MYRFL: variants seen among roughly 807,000 people sequenced by gnomAD.
MYRFL encodes myelin regulatory factor-like protein.
In MYRFL, 88 loss-of-function variants were observed where a neutral mutation model predicts 109.4. The ratio of observed to expected loss-of-function variants is 0.80; its 90% confidence interval spans 0.68 to 0.96. The LOEUF is 0.96. Among genes scored for constraint, MYRFL ranks in the 40% least tolerant of loss-of-function variants. MYRFL has a pLI of 0.00. For synonymous variants in MYRFL, 324 were observed against 320.9 expected, an observed-to-expected ratio of 1.01 and a Z score of -0.10; for missense variants, 957 against 954.9, an observed-to-expected ratio of 1.00 and a Z score of -0.03.
intron 5 of MYRFL, among the ~76,000 whole-genome samples, chr12:69,882,399 T>G (rs1331600433): frequency 6.6e-6 from 1 of 152,244 alleles, no homozygotes; most frequent in Non-Finnish European, 1.5e-5. Flanking sequence ...AGCGAAAGTT[T>G]TCTAGTCAAT....
intron 2 of MYRFL, among the ~76,000 whole-genome samples, chr12:69,871,871 TAATC>T (rs1429386459): frequency 6.6e-6 from 1 of 152,210 alleles, no homozygotes; most frequent in Admixed American, 6.5e-5. Flanking sequence ...ATGTTAAAAA[TAATC>T]AATTCTTTTC....
intron 2 of MYRFL, among the ~76,000 whole-genome samples, chr12:69,858,945 G>GT (rs1297574230): frequency 1.3e-5 from 2 of 151,762 alleles, no homozygotes; most frequent in Non-Finnish European, 2.9e-5. Context: ...GTGATTTGAG[G>GT]TTAAACTTTG....
At chr12:69,934,205 A>G (rs1955373594) in intron 16 of MYRFL, among the ~76,000 whole-genome samples, 1 of 152,202 alleles carries the variant, frequency 6.6e-6, no homozygotes, top group African/African-American at 2.4e-5. Flanking sequence ...GTGGTGCCCC[A>G]TCTACTTGGC....
At chr12:69,883,706 TAAA>T (rs59904690) in intron 5 of MYRFL, among the ~76,000 whole-genome samples, 21 of 125,438 alleles carry the variant, frequency 1.7e-4, no homozygotes, top group Non-Finnish European at 2.1e-4. Context: ...CTACAAAAAG[TAAA>T]AAAAAAAAAA....
At chr12:69,950,314 G>C (rs1285868720) in intron 19 of MYRFL, among the ~76,000 whole-genome samples, 1 of 152,000 alleles carries the variant, frequency 6.6e-6, no homozygotes, top group African/African-American at 2.4e-5. Context: ...AAGTAGGCAG[G>C]GTTGAAAAAT....
At chr12:69,836,543 C>G (rs1322180267) in intron 1 of MYRFL, among the ~76,000 whole-genome samples, 3 of 152,120 alleles carry the variant, frequency 2.0e-5, no homozygotes, top group African/African-American at 7.2e-5. Context: ...TTCCTTGGAA[C>G]GATTTTTCTG....
At chr12:69,856,810 G>A (rs1460098089) in intron 2 of MYRFL, among the ~76,000 whole-genome samples, 1 of 151,814 alleles carries the variant, frequency 6.6e-6, no homozygotes, top group African/African-American at 2.4e-5. Flanking sequence ...TGTTAGATAT[G>A]TTATTCATGA....
chr12:69,891,033 CT>C lies in MYRFL; in HGVS notation c.774del (p.Phe258LeufsTer11), dbSNP rs1176048401. 45 of 1,534,822 alleles carry C rather than the reference CT, an allele frequency of 2.9e-5. No individual in the cohort carries two copies. Among genetic ancestry groups the C allele is most frequent in the Non-Finnish European group, 3.8e-5 (43 of 1,146,394 alleles). On this transcript the variant is annotated frameshift_variant, in exon 7 of 25. Transcript: ENST00000552032. LOFTEE classifies it high-confidence loss of function. Reference sequence around the variant, plus strand: ...TTTAATTTTTCACCAGCAGATGAAGCTTTTGTTTGCCAAAAGAAGAATCATT... The same window carrying C: ...TTTAATTTTTCACCAGCAGATGAAGCTTTGTTTGCCAAAAGAAGAATCATT... The part of the protein sequence containing the change: ...KGFNFSPADE[A>X]FVCQKKNHFQ...
chr12:69,880,951 G>GGTTTTTTTTTTTTTTTTTT lies in MYRFL; in HGVS notation c.556+659_556+660insGTTTTTTTTTTTTTTTTTT, dbSNP rs1555246956. On this transcript the variant is annotated intron_variant, in intron 5 of 24. Transcript: ENST00000552032. ...TAATGTCCAAGCGGTCAGCCTTCCTGTTTTTTTTTTTTTTTTTTGTCTTAT... is the reference window on the plus strand; with the variant it reads ...TAATGTCCAAGCGGTCAGCCTTCCTGGTTTTTTTTTTTTTTTTTTTTTTTTTTTTTTTTTTTTGTCTTAT... Among the ~76,000 whole-genome samples, 6 of 112,626 alleles carry GGTTTTTTTTTTTTTTTTTT rather than the reference G, an allele frequency of 5.3e-5. 1 individual carries two copies. The highest frequency in any genetic ancestry group is 1.0e-4 in the Admixed American group (1 of 9,772). 73.9% of individuals were successfully genotyped at this position (112,626 alleles called of 152,430 possible).
rs1565991289 is a variant in MYRFL at position 69,879,380 on chromosome 12, CT to C, written c.392del (p.Leu131ArgfsTer11). 1 of 702,952 alleles carries C rather than the reference CT, an allele frequency of 1.4e-6. No individual in the cohort carries two copies. Among genetic ancestry groups the C allele is most frequent in the Admixed American group, 2.0e-5 (1 of 50,014 alleles). 43.5% of individuals were successfully genotyped at this position (702,952 alleles called of 1,614,324 possible). The stretch of plus-strand genomic sequence containing the variant: ...AAACGCCAGTCATCTTGCCACCCCC[CT>C]GGACCAATCCGTGTCCTCCCATCTG... ...HSNASHLATPLDQSVSSHLGI... is the reference protein window; with the variant it reads ...HSNASHLATPXDQSVSSHLGI... On this transcript the variant is annotated frameshift_variant, in exon 4 of 25. Coordinates refer to ENST00000552032, the MANE Select transcript of MYRFL (RefSeq NM_182530.3). LOFTEE classifies it high-confidence loss of function.
At chr12:69,930,101 TC>T (rs1955223068) in intron 15 of MYRFL, among the ~76,000 whole-genome samples, 1 of 152,206 alleles carries the variant, frequency 6.6e-6, no homozygotes, top group South Asian at 2.1e-4. Flanking sequence ...GACTTTTCCT[TC>T]CATGCCACGA....
chr12:69,892,111 T>G (rs184439259), intron 7 of MYRFL, among the ~76,000 whole-genome samples: 1 of 152,318 alleles, frequency 6.6e-6, no homozygotes, highest in East Asian at 1.9e-4. Context: ...TTATTGATGT[T>G]GATGCATTTT....
intron 6 of MYRFL, among the ~76,000 whole-genome samples, chr12:69,888,987 A>G (rs1886625050): frequency 6.6e-6 from 1 of 152,208 alleles, no homozygotes; most frequent in Non-Finnish European, 1.5e-5. Flanking sequence ...TCTTAAGGGT[A>G]GTCAATGACT....
At chr12:69,936,672 T>C in intron 19 of MYRFL, 40 bp downstream of exon 19, 2 of 1,433,242 alleles carry the variant, frequency 1.4e-6, no homozygotes, top group East Asian at 2.6e-5. Flanking sequence ...AGCTTTGAAC[T>C]TGAGGTTGTT....
At chr12:69,832,399 T>C (rs1882682999) in intron 1 of MYRFL, among the ~76,000 whole-genome samples, 1 of 152,196 alleles carries the variant, frequency 6.6e-6, no homozygotes, top group Non-Finnish European at 1.5e-5. Flanking sequence ...CCTTGCCTTA[T>C]AGTGGCTTCT....
At chr12:69,952,264 A>G in intron 20 of MYRFL, 89 bp downstream of exon 20, 1 of 1,215,428 alleles carries the variant, frequency 8.2e-7, no homozygotes, top group Non-Finnish European at 1.2e-6. Flanking sequence ...AGTGAGGAGC[A>G]GGGACAAAGG....
chr12:69,954,896 C>A (rs767647183), intron 21 of MYRFL, among the ~76,000 whole-genome samples: 6 of 152,138 alleles, frequency 3.9e-5, no homozygotes, highest in Non-Finnish European at 7.4e-5. Context: ...TTAGCAGATT[C>A]AGATTCTAAA....
At chr12:69,851,681 C>T (rs1485094822) in intron 1 of MYRFL, among the ~76,000 whole-genome samples, 4 of 152,136 alleles carry the variant, frequency 2.6e-5, no homozygotes, top group Admixed American at 1.3e-4. Context: ...TATTTTGAGA[C>T]AAGGTCTAGC....
intron 21 of MYRFL, among the ~76,000 whole-genome samples, chr12:69,954,817 G>A (rs1956058471): frequency 6.6e-6 from 1 of 152,116 alleles, no homozygotes; most frequent in African/African-American, 2.4e-5. Flanking sequence ...GGTGTGGGGG[G>A]AATCTATGTA....
Sources: allele counts gnomAD v4.1 joint callset (sites outside exome capture counted in the v4.1 genomes callset), GRCh38; gene constraint gnomAD v4.1.1; transcripts MANE v1.5; gene names NCBI Gene and HGNC (gene_info 2026-07-23, HGNC 2026-07-21).